COL6A3: variants seen among roughly 807,000 people sequenced by gnomAD.
The protein encoded by COL6A3 is collagen alpha-3(VI) chain.
In COL6A3, 137 loss-of-function variants were observed where a neutral mutation model predicts 274.1. That is an observed-to-expected ratio of 0.50 (90% confidence interval 0.44 to 0.58). COL6A3 has a LOEUF of 0.58. COL6A3 is among the 20% of genes least tolerant of loss of function. The probability of loss-of-function intolerance (pLI) is 0.00; values close to 1 mark genes in which losing one functional copy is unlikely to be tolerated. For missense variants in COL6A3, 3,950 were observed against 4,124.9 expected (o/e 0.96, Z 1.16); for synonymous variants, 1,650 against 1,650.6 (o/e 1.00, Z 0.01).
rs143459232 is a variant in COL6A3, at chr2:237,371,951, C to T, written c.4066G>A (p.Ala1356Thr). ...ACGCCAAACTGCTTGAGCTCCACCG[C>T]CGGGTCGTCCACCTCATCGTCAGAC... The part of the protein sequence containing the change: ...GKSDDEVDDP[A>T]VELKQFGVAP... The change falls in exon 9 of 44, where the codon GCG becomes ACG. Residue 1356 changes from alanine to threonine, a missense_variant. By Grantham distance (58) the Ala-to-Thr change is moderately conservative (BLOSUM62 0). Transcript: ENST00000295550. This position sits in a 1 kb window ranked among gnomAD's most constrained non-coding sequence, Gnocchi z 4.3. The T allele has an allele frequency of 1.6e-5, 26 of 1,613,978 alleles. No homozygotes were observed. In the African/African-American group the frequency reaches 2.8e-4, roughly 17 times the overall value.
intron 7 of COL6A3, 151 bp downstream of exon 7, chr2:237,376,621 T>C: frequency 1.3e-6 from 1 of 793,564 alleles, no homozygotes; most frequent in Non-Finnish European, 2.2e-6. Flanking sequence ...CATATTCTAT[T>C]GTTCCTGCTG....
chr2:237,365,573 T>C (rs1473211897), intron 12 of COL6A3, 125 bp downstream of exon 12: 5 of 872,294 alleles, frequency 5.7e-6, no homozygotes. Context: ...TAAGGGATTT[T>C]CCATATAGAC....
intron 26 of COL6A3, among the ~76,000 whole-genome samples, chr2:237,351,651 A>G (rs2077208694): frequency 6.6e-6 from 1 of 152,258 alleles, no homozygotes; most frequent in African/African-American, 2.4e-5. Context: ...ACCCACAAAT[A>G]ACATAAAAGA....
chr2:237,412,931 C>A (rs989035789), intron 1 of COL6A3, among the ~76,000 whole-genome samples: 1 of 152,132 alleles, frequency 6.6e-6, no homozygotes, highest in African/African-American at 2.4e-5. Context: ...GCACCGGCCT[C>A]GAAACTGGCT....
At chr2:237,345,909 A>C (rs1306052344) in intron 32 of COL6A3, among the ~76,000 whole-genome samples, 3 of 152,244 alleles carry the variant, frequency 2.0e-5, no homozygotes, top group African/African-American at 4.8e-5. Context: ...ATGATTTTCC[A>C]ACTCCTGAAT....
chr2:237,374,273 T>C lies in COL6A3; in HGVS notation c.3679+139A>G, dbSNP rs1387101490. The C allele has an allele frequency of 1.6e-6, 2 of 1,215,586 alleles. No homozygotes were observed. The highest frequency in any genetic ancestry group is 3.0e-5 in the African/African-American group (2 of 67,224). 75.3% of individuals were successfully genotyped at this position (1,215,586 alleles called of 1,614,324 possible). On this transcript the variant is annotated intron_variant, in intron 8 of 43. Coordinates refer to ENST00000295550, the MANE Select transcript of COL6A3 (RefSeq NM_004369.4). This position sits in a 1 kb window ranked among gnomAD's most constrained non-coding sequence, Gnocchi z 4.8. ...ATCGAGGCCAAAAAGGGCATGTGGG[T>C]TCCTAAATTTTCCTGTAATTTTAGT... is the stretch of plus-strand genomic sequence containing the variant.
In COL6A3 at chr2:237,344,106, A is replaced by C; in HGVS notation, c.7668+244T>G. 3.3e-6 allele frequency: 2 copies of C among 602,298 alleles called. No individual in the cohort carries two copies. Among genetic ancestry groups the C allele is most frequent in the Non-Finnish European group, 3.0e-6 (1 of 337,040 alleles). The allele number at this position is 602,298 out of a possible 1,614,324, so 37.3% of individuals were successfully genotyped here. On this transcript the variant is annotated intron_variant, in intron 36 of 43. Transcript: ENST00000295550. The surrounding 1 kb of genome is among the most constrained non-coding windows in gnomAD (Gnocchi z 4.8). ...CCAACACTAGCATCACTAACCGGCA[A>C]GAGCTGTCAACATGTGAGGAGGGAC...
At chr2:237,399,442 G>C (rs948165522) in intron 1 of COL6A3, among the ~76,000 whole-genome samples, 2 of 152,134 alleles carry the variant, frequency 1.3e-5, no homozygotes, top group African/African-American at 2.4e-5. Context: ...GATGGTAAGT[G>C]AACTCTAACT....
chr2:237,403,793 C>T (rs2106400326), intron 1 of COL6A3, among the ~76,000 whole-genome samples: 1 of 151,130 alleles, frequency 6.6e-6, no homozygotes, highest in South Asian at 2.1e-4. Flanking sequence ...TGCCTGTTCT[C>T]CTCCCTCCAC....
intron 31 of COL6A3, 88 bp from the exon 32 acceptor site, chr2:237,346,653 T>C (rs1350800781): frequency 1.5e-5 from 19 of 1,228,186 alleles, no homozygotes; most frequent in Non-Finnish European, 1.3e-5. Flanking sequence ...GTAAAAGTGA[T>C]CTAACCCAAG....
rs2078381688 is a variant in COL6A3, at chr2:237,394,654, C to T, written c.642G>A (p.Val214=). 4 of 1,614,082 alleles carry T rather than the reference C, an allele frequency of 2.5e-6. No homozygotes were observed. In the East Asian group the frequency reaches 8.9e-5, roughly 36 times the overall value. The change falls in exon 3 of 44, where the codon GTG becomes GTA. Residue 214 remains valine (V), a synonymous_variant. Transcript: ENST00000295550. ...TSLHDIVGNL[V]SCVHSSVSPE... ...GACTCACGGATGAATGCACACAGGA[C>T]ACTAAGTTTCCTACTATGTCATGAA...
chr2:237,395,501 A>G (rs1242178467), intron 2 of COL6A3, among the ~76,000 whole-genome samples: 1 of 152,214 alleles, frequency 6.6e-6, no homozygotes, highest in Non-Finnish European at 1.5e-5. Flanking sequence ...CTTTAACTCA[A>G]GTATGATTCC....
At chr2:237,360,966 T>C (rs1370394416) in intron 16 of COL6A3, among the ~76,000 whole-genome samples, 155 bp downstream of exon 16, 1 of 152,156 alleles carries the variant, frequency 6.6e-6, no homozygotes, top group Non-Finnish European at 1.5e-5. Flanking sequence ...TACTTAGACA[T>C]CCAGGCAAAG....
Position 237,381,257 on chromosome 2 carries a change from C to T in COL6A3, c.1555G>A (p.Asp519Asn). The T allele has an allele frequency of 6.2e-7, 1 of 1,614,242 alleles. No homozygotes were observed. Among genetic ancestry groups the T allele is most frequent in the Admixed American group, 1.7e-5 (1 of 60,030 alleles). Residue 519 changes from aspartate (D) to asparagine (N), a missense_variant, in exon 5 of 44, where the codon GAC becomes AAC. Around this residue, in one of 5 missense-constraint regions of COL6A3, gnomAD observed 1,934 missense variants for 1,984.3 expected, o/e 0.97. Coordinates refer to ENST00000295550, the MANE Select transcript of COL6A3 (RefSeq NM_004369.4). ...GAGCCCGTGTACAGGGCCGAGCCGT[C>T]CAGGGGCTTCATTTTCCGCACAGCG... ...ITAVRKMKPL[D>N]GSALYTGSAL...
At chr2:237,375,436 C>G (rs1216598964) in intron 7 of COL6A3, among the ~76,000 whole-genome samples, 1 of 152,218 alleles carries the variant, frequency 6.6e-6, no homozygotes, top group Non-Finnish European at 1.5e-5. Flanking sequence ...AAGAACACAG[C>G]CTGTTGACAC....
Position 237,324,798 on chromosome 2 carries a change from T to G in COL6A3, c.9510A>C (p.Gly3170=). ...CTTAGGTTCCCATCACACTGATGAC[T>G]CCGGGTTTGGCGAGCACTGAGCGTC... ...KVCAPVLAKP[G]VISVMGT is the part of the protein sequence containing the mutation. The change falls in exon 44 of 44, where the codon GGA becomes GGC. Residue 3170 remains glycine, a synonymous_variant. Transcript: ENST00000295550. 5.6e-6 allele frequency: 9 copies of G among 1,613,542 alleles called. No individual in the cohort carries two copies. The highest frequency in any genetic ancestry group is 7.6e-6 in the Non-Finnish European group (9 of 1,179,986).
rs117345850 is a variant in COL6A3, at chr2:237,368,554, G to A, written c.4900+9C>T. 5.2e-4 allele frequency: 845 copies of A among 1,613,802 alleles called. 8 individuals carry two copies. The East Asian group carries it at 0.012, about 22-fold the overall frequency. On this transcript the variant is annotated intron_variant, in intron 10 of 43. Transcript: ENST00000295550. This position sits in a 1 kb window ranked among gnomAD's most constrained non-coding sequence, Gnocchi z 4.4. ...CACACTCTGTAGTCATGGGTCACACGGTGCATACCTGGCCGTGAAGGAGGA... is the reference window on the plus strand; with the variant it reads ...CACACTCTGTAGTCATGGGTCACACAGTGCATACCTGGCCGTGAAGGAGGA...
chr2:237,344,525 G>A lies in COL6A3; in HGVS notation c.7493C>T (p.Thr2498Ile). ...GAATCCGTTCCTCACACGCTTAAAT[G>A]TGTTCCTGGCCACAAACGACATGGC... ...ETAMSFVARN[T>I]FKRVRNGFLM... Residue 2498 changes from threonine to isoleucine, a missense_variant, in exon 36 of 44, where the codon ACA becomes ATA. Physicochemically the swap from Thr to Ile is moderately conservative, Grantham distance 89. Coordinates refer to ENST00000295550, the MANE Select transcript of COL6A3 (RefSeq NM_004369.4). This position sits in a 1 kb window ranked among gnomAD's most constrained non-coding sequence, Gnocchi z 4.8. The A allele has an allele frequency of 6.2e-7, 1 of 1,614,156 alleles. No individual in the cohort carries two copies. The highest frequency in any genetic ancestry group is 8.5e-7 in the Non-Finnish European group (1 of 1,180,024).
At chr2:237,393,373 C>A (rs970323107) in intron 3 of COL6A3, among the ~76,000 whole-genome samples, 2 of 152,176 alleles carry the variant, frequency 1.3e-5, no homozygotes, top group African/African-American at 4.8e-5. Flanking sequence ...TAACTTCAAT[C>A]CCTCCAAGCC....
Sources: gnomAD v4.1 joint callset for allele counts (sites outside exome capture counted in the v4.1 genomes callset) on GRCh38, gnomAD v4.1.1 for gene constraint, gnomAD v4.1.1 regional missense constraint, Gnocchi (gnomAD v3.1) non-coding constraint, MANE v1.5 for transcripts, NCBI Gene and HGNC (gene_info 2026-07-23, HGNC 2026-07-21) for gene names.